The following GATAD2B variants were observed in gnomAD, a reference collection of about 807,000 sequenced individuals.
The protein encoded by GATAD2B is transcriptional repressor p66-beta.
A neutral mutation model predicts 64.3 loss-of-function variants in GATAD2B; 8 were observed. The ratio of observed to expected loss-of-function variants is 0.12; its 90% CI spans 0.07 to 0.22. The LOEUF (loss-of-function observed/expected upper bound fraction) is 0.22. GATAD2B is among the 10% of genes least tolerant of loss of function. The probability of loss-of-function intolerance (pLI) is 1.00; values close to 1 mark genes in which losing one functional copy is unlikely to be tolerated. For missense variants in GATAD2B, 453 were observed against 752.0 expected, an observed-to-expected ratio of 0.60 and a Z score of 4.65; for synonymous variants, 281 against 271.3, an observed-to-expected ratio of 1.04 and a Z score of -0.35.
In GATAD2B at chr1:153,808,387, T is replaced by C. The variant is rs904948322; in HGVS notation, c.*1790A>G. 6.6e-6 allele frequency: 1 copy of C among 152,640 alleles called. No homozygotes were observed. Among genetic ancestry groups the C allele is most frequent in the Admixed American group, 6.5e-5 (1 of 15,286 alleles). The allele number at this position is 152,640 out of a possible 1,614,324, so 9.5% of individuals were successfully genotyped here. Reference sequence around the variant, plus strand: ...GAGGCCAGAGTAGGGGAACTGAGCCTGATTTTAGCTCTTTCTCCCACCCCA... The same window carrying C: ...GAGGCCAGAGTAGGGGAACTGAGCCCGATTTTAGCTCTTTCTCCCACCCCA... On this transcript the variant is annotated 3_prime_UTR_variant, in exon 11 of 11. Coordinates refer to ENST00000368655, the MANE Select transcript of GATAD2B (RefSeq NM_020699.4).
chr1:153,828,146 C>A lies in GATAD2B; in HGVS notation c.202G>T (p.Asp68Tyr), dbSNP rs1408392480. The A allele has an allele frequency of 6.2e-7, 1 of 1,614,078 alleles. No homozygotes were observed. Among genetic ancestry groups the A allele is most frequent in the African/African-American group, 1.3e-5 (1 of 74,934 alleles). ...TCATAGCCCTTGACACCACTGCCAT[C>A]CTGTTTGGTGGGTAACTCATGTGGC... The part of the protein sequence containing the change: ...EVPHELPTKQ[D>Y]GSGVKGYEEK... Residue 68 changes from aspartate to tyrosine, a missense_variant, in exon 2 of 11, where the codon GAT becomes TAT. Asp to Tyr is a radical substitution (Grantham distance 160, BLOSUM62 -3). This residue lies in a region of GATAD2B where 293 missense variants were observed against 417.2 expected (regional missense o/e 0.70). Transcript: ENST00000368655.
intron 1 of GATAD2B, among the ~76,000 whole-genome samples, chr1:153,916,451 C>T (rs951289853): frequency 6.6e-6 from 1 of 152,134 alleles, no homozygotes; most frequent in East Asian, 1.9e-4. Flanking sequence ...ATGATGCTCA[C>T]ATTTCTGGTT....
rs71093296 is a variant in GATAD2B at position 153,876,227 on chromosome 1, C to CAAAAAAAAAAAAAAAAAAAAAA, written c.-2+46484_-2+46505dup. The stretch of plus-strand genomic sequence containing the variant: ...TGGGCAACACAGTGAGACTTCGTCT[C>CAAAAAAAAAAAAAAAAAAAAAA]AAAAAAAAAAAAAAAAAAAAAAAAA... On this transcript the variant is annotated intron_variant, in intron 1 of 10. Coordinates refer to ENST00000368655, the MANE Select transcript of GATAD2B (RefSeq NM_020699.4). Among the ~76,000 whole-genome samples, 12 of 48,430 alleles carry CAAAAAAAAAAAAAAAAAAAAAA rather than the reference C, an allele frequency of 2.5e-4. 1 individual carries two copies. Among genetic ancestry groups the CAAAAAAAAAAAAAAAAAAAAAA allele is most frequent in the Non-Finnish European group, 2.8e-4 (8 of 28,612 alleles). 31.8% of individuals were successfully genotyped at this position (48,430 alleles called of 152,430 possible). A position where few individuals can be genotyped will look rare whatever the true frequency, so the allele number is the denominator to read the frequency against.
intron 1 of GATAD2B, among the ~76,000 whole-genome samples, chr1:153,921,596 ACACACACACACG>A (rs199804315): frequency 6.6e-5 from 10 of 151,540 alleles, no homozygotes; most frequent in African/African-American, 1.5e-4. Context: ...TCTCTCTTAC[ACACACACACACG>A]CACACACACA....
chr1:153,825,388 C>A (rs2101889022), intron 2 of GATAD2B, among the ~76,000 whole-genome samples: 1 of 152,256 alleles, frequency 6.6e-6, no homozygotes, highest in East Asian at 1.9e-4. Context: ...GGGAATCTGC[C>A]TGAGGTTTCC....
intron 1 of GATAD2B, among the ~76,000 whole-genome samples, chr1:153,892,692 CTTTTTTT>C (rs144331770): frequency 2.0e-5 from 2 of 97,870 alleles, no homozygotes; most frequent in African/African-American, 4.1e-5. Flanking sequence ...TGTAAGAAAC[CTTTTTTT>C]TTTTTTTTTT....
chr1:153,846,263 C>CACT (rs1405889182), intron 1 of GATAD2B, among the ~76,000 whole-genome samples: 1 of 152,136 alleles, frequency 6.6e-6, no homozygotes, highest in East Asian at 1.9e-4. Flanking sequence ...GAGACAGTCT[C>CACT]ACTCTGTCAC....
chr1:153,851,082 CAT>C (rs1047677390), intron 1 of GATAD2B, among the ~76,000 whole-genome samples: 1 of 152,072 alleles, frequency 6.6e-6, no homozygotes, highest in African/African-American at 2.4e-5. Flanking sequence ...ATTAATTTTA[CAT>C]ACATTGTTTA....
chr1:153,877,033 C>T (rs1012294586), intron 1 of GATAD2B, among the ~76,000 whole-genome samples: 1 of 151,904 alleles, frequency 6.6e-6, no homozygotes, highest in African/African-American at 2.4e-5. Flanking sequence ...AAAAGAAGAA[C>T]AGGCAGTATT....
chr1:153,904,140 C>T (rs1250638292), intron 1 of GATAD2B, among the ~76,000 whole-genome samples: 4 of 151,798 alleles, frequency 2.6e-5, no homozygotes, highest in Non-Finnish European at 5.9e-5. Flanking sequence ...ATTAGCCGGG[C>T]GTGGTGGCAG....
At position 153,807,029 on chromosome 1, in the gene GATAD2B, T is replaced by C. The variant is rs889285559; in HGVS notation, c.*3148A>G. 3 of 152,222 alleles carry C rather than the reference T, an allele frequency of 2.0e-5. No individual in the cohort carries two copies. Among genetic ancestry groups the C allele is most frequent in the Non-Finnish European group, 2.9e-5 (2 of 68,022 alleles). The allele number at this position is 152,222 out of a possible 1,614,324, so 9.4% of individuals were successfully genotyped here. On this transcript the variant is annotated 3_prime_UTR_variant, in exon 11 of 11. Transcript: ENST00000368655. ...ATTCCAGGGAGAGAGGGAGTTCAGA[T>C]GCTGTGGTCAAATTATAAAATAAAA...
In GATAD2B at chr1:153,807,516, T is replaced by G. The variant is rs1360865486; in HGVS notation, c.*2661A>C. The G allele has an allele frequency of 6.6e-6, 1 of 152,124 alleles. No individual in the cohort carries two copies. The highest frequency in any genetic ancestry group is 1.5e-5 in the Non-Finnish European group (1 of 68,042). 9.4% of individuals were successfully genotyped at this position (152,124 alleles called of 1,614,324 possible). ...AGGGTAAGAAATCAAACCTCAGCGG[T>G]TGAACAAAGGGTCACCGAGCTATAC... On this transcript the variant is annotated 3_prime_UTR_variant, in exon 11 of 11. Coordinates refer to ENST00000368655, the MANE Select transcript of GATAD2B (RefSeq NM_020699.4).
chr1:153,902,323 T>C lies in GATAD2B; in HGVS notation c.-2+20410A>G, dbSNP rs562987582. ...GAAAAAAAAAAGAATTTTCAGGATT[T>C]GGTAAGCCTATCATACTTACAGCCA... is the stretch of plus-strand genomic sequence containing the variant. On this transcript the variant is annotated intron_variant, in intron 1 of 10. Transcript: ENST00000368655. Among the ~76,000 whole-genome samples, 6 of 152,296 alleles carry C rather than the reference T, an allele frequency of 3.9e-5. No individual in the cohort carries two copies. The East Asian group carries it at 1.2e-3, about 29-fold the overall frequency.
At chr1:153,834,368 G>T (rs555283855) in intron 1 of GATAD2B, among the ~76,000 whole-genome samples, 6 of 151,970 alleles carry the variant, frequency 3.9e-5, no homozygotes, top group Non-Finnish European at 5.9e-5. Flanking sequence ...CATTGCAGGA[G>T]GAAGTAAAAC....
At chr1:153,922,579 T>G (rs1201832475) in intron 1 of GATAD2B, among the ~76,000 whole-genome samples, 154 bp downstream of exon 1, 3 of 143,570 alleles carry the variant, frequency 2.1e-5, no homozygotes, top group Admixed American at 1.4e-4. Flanking sequence ...CGGGCGGGCG[T>G]CGGCTCGCGG....
chr1:153,902,862 A>G (rs892292376), intron 1 of GATAD2B, among the ~76,000 whole-genome samples: 7 of 152,200 alleles, frequency 4.6e-5, no homozygotes, highest in African/African-American at 1.7e-4. Flanking sequence ...ATACTACTTT[A>G]CATAGTAGGC....
At chr1:153,872,065 C>G (rs992223363) in intron 1 of GATAD2B, among the ~76,000 whole-genome samples, 5 of 151,986 alleles carry the variant, frequency 3.3e-5, no homozygotes, top group Admixed American at 6.6e-5. Flanking sequence ...TGCCTGTAAT[C>G]CCAGCACTTT....
chr1:153,821,917 C>G (rs1674698392), intron 2 of GATAD2B, among the ~76,000 whole-genome samples: 1 of 151,902 alleles, frequency 6.6e-6, no homozygotes, highest in African/African-American at 2.4e-5. Context: ...TTCCTTTATA[C>G]TCCCCCTCTA....
chr1:153,889,413 CAAAAAAAAAAA>C (rs71093299), intron 1 of GATAD2B, among the ~76,000 whole-genome samples: 4 of 67,908 alleles, frequency 5.9e-5, no homozygotes, highest in South Asian at 6.2e-4. Context: ...ACCCCGTCTC[CAAAAAAAAAAA>C]AAAAAAAAAA....
Sources: allele counts gnomAD v4.1 joint callset (sites outside exome capture counted in the v4.1 genomes callset), GRCh38; gene constraint gnomAD v4.1.1; regional missense constraint gnomAD v4.1.1; transcripts MANE v1.5; gene names NCBI Gene and HGNC (gene_info 2026-07-23, HGNC 2026-07-21).